ATL1: variants seen among roughly 807,000 people sequenced by gnomAD.
ATL1 encodes atlastin GTPase 1, also known as atlastin-1.
ATL1 carries 31 observed loss-of-function variants against 75.5 expected under a neutral mutation model. The observed-to-expected ratio is 0.41, with a 90% CI of 0.31 to 0.55. The LOEUF is 0.55. Ranked by LOEUF, ATL1 falls within the 20% of genes least tolerant of loss-of-function variation. The probability of loss-of-function intolerance (pLI) is 0.27; values close to 1 mark genes in which losing one functional copy is unlikely to be tolerated. For missense variants in ATL1, 405 were observed against 662.6 expected, an observed-to-expected ratio of 0.61 and a Z score of 4.27; for synonymous variants, 226 against 233.3, an observed-to-expected ratio of 0.97 and a Z score of 0.28.
chr14:50,555,666 G>A (rs2038757132), upstream of ATL1, among the ~76,000 whole-genome samples: 1 of 152,204 alleles, frequency 6.6e-6, no homozygotes, highest in East Asian at 1.9e-4. Context: ...ATAAATATTT[G>A]TCTTATTTCA....
chr14:50,630,046 T>G, intron 13 of ATL1, 37 bp downstream of exon 13: 1 of 1,485,262 alleles, frequency 6.7e-7, no homozygotes, highest in Non-Finnish European at 9.3e-7. Context: ...GCTATGTATG[T>G]GTAAACATTA....
At chr14:50,543,181 C>T (rs1595566825) in intron 1 of ATL1, among the ~76,000 whole-genome samples, 1 of 152,336 alleles carries the variant, frequency 6.6e-6, no homozygotes, top group East Asian at 1.9e-4. Flanking sequence ...TGTAAGCTAA[C>T]ATTAGATTCA....
intron 1 of ATL1, among the ~76,000 whole-genome samples, chr14:50,576,162 G>C (rs1396218849): frequency 2.0e-5 from 3 of 152,144 alleles, no homozygotes; most frequent in African/African-American, 7.2e-5. Context: ...TCAACACTTT[G>C]TTATAAAATA....
At chr14:50,615,561 T>C (rs1176841116) in intron 8 of ATL1, among the ~76,000 whole-genome samples, 1 of 152,178 alleles carries the variant, frequency 6.6e-6, no homozygotes, top group East Asian at 1.9e-4. Context: ...TTAATCAGCA[T>C]GGTGGTTATA....
At position 50,584,276 on chromosome 14, in the gene ATL1, G is replaced by T. The variant is rs545581602; in HGVS notation, c.35-3555G>T. 2.8e-4 allele frequency among the ~76,000 whole-genome samples: 43 copies of T among 152,300 alleles called. 1 individual carries two copies. The highest frequency in any genetic ancestry group is 9.6e-4 in the African/African-American group (40 of 41,574). The stretch of plus-strand genomic sequence containing the variant: ...GCCTGTAGTCCCATCTACTCGGGAG[G>T]TTGAGGTGGGAGGATCGATTGAGCT... On this transcript the variant is annotated intron_variant, in intron 1 of 13. Transcript: ENST00000358385.
chr14:50,629,530 G>A (rs1273806835), intron 12 of ATL1, among the ~76,000 whole-genome samples: 2 of 147,618 alleles, frequency 1.4e-5, no homozygotes, highest in Non-Finnish European at 3.0e-5. Flanking sequence ...GCACTGAGCC[G>A]AGATGGCACC....
chr14:50,547,170 A>C (rs916163973), intron 1 of ATL1, among the ~76,000 whole-genome samples: 1 of 152,218 alleles, frequency 6.6e-6, no homozygotes, highest in Admixed American at 6.5e-5. Flanking sequence ...AGATTTGTCT[A>C]ATATCTCAGT....
intron 2 of ATL1, among the ~76,000 whole-genome samples, chr14:50,590,485 T>C (rs1227563650): frequency 1.3e-5 from 2 of 152,092 alleles, no homozygotes; most frequent in African/African-American, 4.8e-5. Flanking sequence ...TGCCTTCCTT[T>C]CTGGAATGCC....
chr14:50,610,629 ACAGAG>A (rs1205442399), intron 6 of ATL1, among the ~76,000 whole-genome samples: 1 of 152,184 alleles, frequency 6.6e-6, no homozygotes, highest in Non-Finnish European at 1.5e-5. Context: ...TATTGTGAGT[ACAGAG>A]CAGAGTGTAA....
At chr14:50,536,372 G>A (rs537780532) in intron 1 of ATL1, among the ~76,000 whole-genome samples, 40 of 151,292 alleles carry the variant, frequency 2.6e-4, no homozygotes, top group Non-Finnish European at 4.9e-4. Context: ...GGAAGTAGAG[G>A]TTGTGGTGAG....
intron 6 of ATL1, among the ~76,000 whole-genome samples, chr14:50,605,846 A>G (rs980309980): frequency 6.6e-6 from 1 of 152,076 alleles, no homozygotes; most frequent in African/African-American, 2.4e-5. Context: ...CAAGTCTGCA[A>G]CAGATTTTTT....
chr14:50,559,996 G>A (rs553113518), upstream of ATL1: 2 of 543,766 alleles, frequency 3.7e-6, no homozygotes, highest in East Asian at 3.1e-5. Context: ...GTCTATCACT[G>A]TCTTCACGGT....
At chr14:50,620,947 A>G (rs887502907) in intron 9 of ATL1, among the ~76,000 whole-genome samples, 12 of 152,158 alleles carry the variant, frequency 7.9e-5, no homozygotes, top group Admixed American at 7.2e-4. Context: ...AGGTAACATT[A>G]TTGTCCCCTT....
At chr14:50,535,894 A>C (rs552481835) in intron 1 of ATL1, among the ~76,000 whole-genome samples, 8 of 152,302 alleles carry the variant, frequency 5.3e-5, no homozygotes, top group African/African-American at 1.9e-4. Context: ...CATGAGGGCA[A>C]GTCTTTCCCA....
At chr14:50,596,001 AT>A (rs1206058808) in intron 6 of ATL1, among the ~76,000 whole-genome samples, 1 of 152,152 alleles carries the variant, frequency 6.6e-6, no homozygotes, top group Non-Finnish European at 1.5e-5. Context: ...ATCTTATGAG[AT>A]GTATTAAACA....
chr14:50,552,082 G>A (rs1595573052), intron 1 of ATL1, among the ~76,000 whole-genome samples: 2 of 152,122 alleles, frequency 1.3e-5, no homozygotes, highest in Non-Finnish European at 1.5e-5. Context: ...GTTGCTGTTC[G>A]CCGATGATAT....
chr14:50,582,055 C>A (rs954609193), intron 1 of ATL1, among the ~76,000 whole-genome samples: 1 of 151,818 alleles, frequency 6.6e-6, no homozygotes, highest in Non-Finnish European at 1.5e-5. Context: ...CCGAGGCGGG[C>A]GGATCACTTG....
At chr14:50,534,681 G>A (rs1363758415) in intron 1 of ATL1, among the ~76,000 whole-genome samples, 4 of 152,192 alleles carry the variant, frequency 2.6e-5, no homozygotes, top group Admixed American at 2.6e-4. Context: ...GACTCTATGT[G>A]GTGGTTAAAA....
intron 1 of ATL1, among the ~76,000 whole-genome samples, chr14:50,580,058 A>G (rs1271872125): frequency 6.6e-6 from 1 of 152,222 alleles, no homozygotes; most frequent in Non-Finnish European, 1.5e-5. Context: ...TGAGAAATTT[A>G]TATAGTCACG....
Sources: gnomAD v4.1 joint callset for allele counts (sites outside exome capture counted in the v4.1 genomes callset) on GRCh38, gnomAD v4.1.1 for gene constraint, MANE v1.5 for transcripts, NCBI Gene and HGNC (gene_info 2026-07-23, HGNC 2026-07-21) for gene names.